Variants in FAM193A observed in about 807,000 individuals in gnomAD.
FAM193A encodes the protein family with sequence similarity 193 member A.
In FAM193A, 22 loss-of-function variants were observed where a neutral mutation model predicts 126.5. That is an observed-to-expected ratio of 0.17 (90% CI 0.12 to 0.25). The LOEUF is 0.25. Ranked by LOEUF, FAM193A falls within the 10% of genes least tolerant of loss-of-function variation. The pLI is 1.00. For missense variants in FAM193A, 1,675 were observed against 1,672.8 expected, an observed-to-expected ratio of 1.00 and a Z score of -0.02; for synonymous variants, 761 against 646.8, an observed-to-expected ratio of 1.18 and a Z score of -2.68.
chr4:2,659,081 G>A (rs1577153442), intron 8 of FAM193A, among the ~76,000 whole-genome samples: 1 of 152,164 alleles, frequency 6.6e-6, no homozygotes, highest in Admixed American at 6.5e-5. Context: ...CCTTCCAGCT[G>A]CCACCTGTCC....
intron 20 of FAM193A, among the ~76,000 whole-genome samples, chr4:2,719,061 A>C (rs1270797849): frequency 6.6e-6 from 1 of 152,248 alleles, no homozygotes; most frequent in Non-Finnish European, 1.5e-5. Context: ...TCACACACAC[A>C]AGTGAATACT....
intron 1 of FAM193A, among the ~76,000 whole-genome samples, chr4:2,543,138 A>C (rs1737334944): frequency 6.7e-6 from 1 of 150,178 alleles, no homozygotes. Context: ...CCCAGGCTGG[A>C]GTGCCCTGGC....
intron 13 of FAM193A, among the ~76,000 whole-genome samples, chr4:2,679,375 C>CTTTTTTTTTTTTTTTTTTT: frequency 1.1e-5 from 1 of 87,848 alleles, no homozygotes; most frequent in Non-Finnish European, 2.3e-5. Flanking sequence ...AGTTTTCTTT[C>CTTTTTTTTTTTTTTTTTTT]TTTTTTTTTT....
At chr4:2,556,691 A>C (rs1180997947) in intron 1 of FAM193A, among the ~76,000 whole-genome samples, 2 of 152,118 alleles carry the variant, frequency 1.3e-5, no homozygotes, top group South Asian at 2.1e-4. Flanking sequence ...CAAAAAAGGA[A>C]ATGTTTTAAT....
chr4:2,589,248 C>T (rs1740392822), intron 1 of FAM193A, among the ~76,000 whole-genome samples: 1 of 152,120 alleles, frequency 6.6e-6, no homozygotes, highest in Non-Finnish European at 1.5e-5. Context: ...CAGCAAATAC[C>T]ACTATGCCTT....
At chr4:2,604,791 C>CTTTTTTTTTTT (rs869148370) in intron 2 of FAM193A, among the ~76,000 whole-genome samples, 1 of 99,672 alleles carries the variant, frequency 1.0e-5, no homozygotes, top group Non-Finnish European at 1.9e-5. Flanking sequence ...TTTCTTTTTC[C>CTTTTTTTTTTT]TTTTTTTTTT....
chr4:2,616,993 ACC>A (rs1302733863), intron 2 of FAM193A, among the ~76,000 whole-genome samples: 1 of 144,546 alleles, frequency 6.9e-6, no homozygotes, highest in African/African-American at 2.5e-5. Context: ...ACACGAAGAA[ACC>A]CCGTCTCTAC....
At chr4:2,568,384 G>A (rs1739092856) in intron 1 of FAM193A, among the ~76,000 whole-genome samples, 1 of 152,170 alleles carries the variant, frequency 6.6e-6, no homozygotes, top group Non-Finnish European at 1.5e-5. Context: ...GCTGGACATG[G>A]TGGTGCACAC....
chr4:2,540,975 A>C (rs1737198586), intron 1 of FAM193A, among the ~76,000 whole-genome samples: 1 of 142,868 alleles, frequency 7.0e-6, no homozygotes, highest in Admixed American at 6.7e-5. Context: ...TCCGTCTCAA[A>C]AAAAAAAAAA....
At chr4:2,537,840 TTACTCAGGTATG>T (rs1449945228) in intron 1 of FAM193A, among the ~76,000 whole-genome samples, 2 of 152,228 alleles carry the variant, frequency 1.3e-5, no homozygotes, top group East Asian at 3.8e-4. Flanking sequence ...AGTGGTTTGG[TTACTCAGGTATG>T]TATTTAGGGT....
rs896108750 is a variant in FAM193A, at chr4:2,626,510, C to T, written c.736C>T (p.Pro246Ser). The change falls in exon 4 of 21, where the codon CCG (proline) becomes TCG (serine). Residue 246 changes from proline to serine, a missense_variant. This residue lies in a region of FAM193A where 1,186 missense variants were observed against 1,109.2 expected (regional missense o/e 1.07). Coordinates refer to ENST00000637812, the MANE Select transcript of FAM193A (RefSeq NM_001366318.2). Reference protein sequence around the residue: ...VRCIYRQAGTPLADDQDQSLV... With the variant: ...VRCIYRQAGTSLADDQDQSLV... ...CTGCATCTACCGCCAGGCAGGAACC[C>T]CGCTGGCAGATGACCAGGACCAGTC... 12 of 702,420 alleles carry T rather than the reference C, an allele frequency of 1.7e-5. No homozygotes were observed. Among genetic ancestry groups the T allele is most frequent in the African/African-American group, 1.0e-4 (6 of 57,250 alleles). 43.5% of individuals were successfully genotyped at this position (702,420 alleles called of 1,614,324 possible).
chr4:2,569,937 C>T (rs942097998), intron 1 of FAM193A, among the ~76,000 whole-genome samples: 4 of 152,072 alleles, frequency 2.6e-5, no homozygotes, highest in Admixed American at 1.3e-4. Context: ...TTTAGGATGG[C>T]AAATTGTTGA....
Position 2,693,802 on chromosome 4 carries a change from G to T in FAM193A, c.3020G>T (p.Arg1007Leu), listed in dbSNP as rs373317366. 7.4e-6 allele frequency: 12 copies of T among 1,614,068 alleles called. No individual in the cohort carries two copies. The East Asian group carries it at 2.2e-4, about 30-fold the overall frequency. ...ATTTPGFVDTRKSFCPAPLPP... is the reference protein window; with the variant it reads ...ATTTPGFVDTLKSFCPAPLPP... ...ACAACTCCTGGGTTTGTGGACACAC[G>T]CAAGAGTTTCTGTCCTGCACCCCTA... is the stretch of plus-strand genomic sequence containing the variant. The change falls in exon 16 of 21, where the codon CGC becomes CTC. Residue 1007 changes from arginine to leucine, a missense_variant. By Grantham distance (102) the Arg-to-Leu change is moderately radical. Transcript: ENST00000637812.
intron 5 of FAM193A, among the ~76,000 whole-genome samples, chr4:2,632,499 T>C (rs1577104818): frequency 6.6e-6 from 1 of 152,172 alleles, no homozygotes; most frequent in Non-Finnish European, 1.5e-5. Context: ...GTTGAGGCTG[T>C]GGTGAGCCAG....
At chr4:2,579,099 A>T (rs948817941) in intron 1 of FAM193A, among the ~76,000 whole-genome samples, 1 of 152,050 alleles carries the variant, frequency 6.6e-6, no homozygotes, top group African/African-American at 2.4e-5. Flanking sequence ...GCTTCAAGCA[A>T]TCCTCCCATC....
chr4:2,558,098 C>T (rs1378820419), intron 1 of FAM193A, among the ~76,000 whole-genome samples: 1 of 152,024 alleles, frequency 6.6e-6, no homozygotes, highest in East Asian at 1.9e-4. Flanking sequence ...CACGGTGAAA[C>T]CCCGTCTCTA....
chr4:2,689,849 G>C (rs1045368905), intron 14 of FAM193A, 145 bp downstream of exon 14: 1 of 591,220 alleles, frequency 1.7e-6, no homozygotes, highest in Non-Finnish European at 2.9e-6. Context: ...GGCCCCTCGG[G>C]GCTGTCATCC....
chr4:2,652,618 G>A (rs1278228366), intron 7 of FAM193A, among the ~76,000 whole-genome samples: 5 of 152,062 alleles, frequency 3.3e-5, no homozygotes, highest in Admixed American at 6.6e-5. Flanking sequence ...CTGAGCACTC[G>A]CTATCACGAG....
chr4:2,695,482 C>T (rs776836204), intron 17 of FAM193A, among the ~76,000 whole-genome samples: 3 of 152,076 alleles, frequency 2.0e-5, no homozygotes, highest in Non-Finnish European at 2.9e-5. Context: ...ATACAGAGGG[C>T]GTTGGTACAC....
Sources: allele counts gnomAD v4.1 joint callset (sites outside exome capture counted in the v4.1 genomes callset), GRCh38; gene constraint gnomAD v4.1.1; regional missense constraint gnomAD v4.1.1; transcripts MANE v1.5; gene names NCBI Gene and HGNC (gene_info 2026-07-23, HGNC 2026-07-21).